Variants in ODAD2 observed in about 807,000 individuals in gnomAD.
ODAD2 encodes outer dynein arm docking complex subunit 2, also known as outer dynein arm-docking complex subunit 2.
A neutral mutation model predicts 106.8 loss-of-function variants in ODAD2; 89 were observed. The ratio of observed to expected loss-of-function variants is 0.83; its 90% CI spans 0.70 to 0.99. The LOEUF is 0.99. ODAD2 is among the 50% of genes least tolerant of loss of function. The pLI, the probability that ODAD2 is intolerant of heterozygous loss-of-function variation, is 0.00. For synonymous variants in ODAD2, 404 were observed against 436.2 expected (o/e 0.93, Z 0.92); for missense variants, 1,168 against 1,238.5 (o/e 0.94, Z 0.85).
chr10:27,941,500 GA>G (rs11371318), intron 12 of ODAD2, among the ~76,000 whole-genome samples: 21 of 132,174 alleles, frequency 1.6e-4, no homozygotes, highest in South Asian at 2.3e-4. Context: ...CCAAAAAAAA[GA>G]AAAAAAAAAA....
intron 17 of ODAD2, among the ~76,000 whole-genome samples, chr10:27,901,000 G>A (rs778786743): frequency 4.6e-5 from 7 of 152,042 alleles, no homozygotes; most frequent in Non-Finnish European, 8.8e-5. Context: ...ACAACCCCAA[G>A]ACACATAATC....
chr10:27,872,429 G>C (rs1161731720), intron 17 of ODAD2, among the ~76,000 whole-genome samples: 1 of 151,764 alleles, frequency 6.6e-6, no homozygotes, highest in African/African-American at 2.4e-5. Flanking sequence ...TCCCTGTCTT[G>C]TGCCAGTTTT....
intron 19 of ODAD2, among the ~76,000 whole-genome samples, chr10:27,822,822 G>A (rs1009896241): frequency 2.0e-5 from 3 of 152,176 alleles, no homozygotes; most frequent in Non-Finnish European, 4.4e-5. Flanking sequence ...GTCCATGTCT[G>A]CAAAACTTGG....
chr10:27,853,873 A>G (rs1401253071), intron 19 of ODAD2, among the ~76,000 whole-genome samples: 1 of 152,224 alleles, frequency 6.6e-6, no homozygotes, highest in Non-Finnish European at 1.5e-5. Flanking sequence ...AACCAAAAAC[A>G]CAATTCATTA....
chr10:27,857,019 G>A (rs1329304321), intron 19 of ODAD2, among the ~76,000 whole-genome samples: 3 of 152,004 alleles, frequency 2.0e-5, no homozygotes, highest in Non-Finnish European at 4.4e-5. Context: ...TTTTTATATT[G>A]ATTATATGTT....
At position 27,944,378 on chromosome 10, in the gene ODAD2, C is replaced by A; in HGVS notation, c.1587G>T (p.Gln529His). ...GTAAGCCCCCAAGGTCAACAATATT[C>A]TGTCTGATTTGAGGATTATGACTGA... ...KEISHNPQIR[Q>H]NIVDLGGLPI... Residue 529 changes from glutamine (Q) to histidine (H), a missense_variant, in exon 12 of 20, where the codon CAG (glutamine) becomes CAT (histidine). Transcript: ENST00000305242. 1 of 1,614,002 alleles carries A rather than the reference C, an allele frequency of 6.2e-7. No homozygotes were observed. The highest frequency in any genetic ancestry group is 1.7e-4 in the Middle Eastern group (1 of 6,060).
At chr10:27,924,955 T>C (rs537907976) in intron 16 of ODAD2, among the ~76,000 whole-genome samples, 19 of 150,500 alleles carry the variant, frequency 1.3e-4, no homozygotes, top group African/African-American at 4.6e-4. Flanking sequence ...GGTAGTCCCA[T>C]TGCTCAATAA....
intron 16 of ODAD2, among the ~76,000 whole-genome samples, chr10:27,934,108 C>CTT (rs1446429379): frequency 2.0e-5 from 3 of 152,190 alleles, no homozygotes; most frequent in Non-Finnish European, 4.4e-5. Context: ...GCTCTCTTCT[C>CTT]TATTCCCTGC....
intron 1 of ODAD2, among the ~76,000 whole-genome samples, chr10:27,996,827 G>A (rs1850582641): frequency 6.6e-6 from 1 of 152,192 alleles, no homozygotes; most frequent in Admixed American, 6.5e-5. Context: ...ATTTGGGGCT[G>A]CTGTGTTCAC....
intron 7 of ODAD2, 105 bp from the exon 8 acceptor site, chr10:27,971,418 T>A (rs1049300171): frequency 1.8e-5 from 18 of 988,832 alleles, no homozygotes; most frequent in Non-Finnish European, 2.6e-5. Context: ...CTCGGATGCA[T>A]TTAACTTGTG....
In ODAD2 at chr10:27,981,522, G is replaced by C; in HGVS notation, c.880C>G (p.Leu294Val). 1.3e-6 allele frequency: 2 copies of C among 1,535,822 alleles called. No homozygotes were observed. The highest frequency in any genetic ancestry group is 1.7e-6 in the Non-Finnish European group (2 of 1,154,028). ...YERKGSIYKN[L>V]VTFLREKSPK... ...GATTTTTCTCTTAAAAATGTGACAA[G>C]GTTTTTATAAATTGAACCTTTTCTC... The change falls in exon 7 of 20, where the codon CTT becomes GTT. Residue 294 changes from leucine (L) to valine (V), a missense_variant. Coordinates refer to ENST00000305242, the MANE Select transcript of ODAD2 (RefSeq NM_018076.5).
chr10:27,901,960 T>TA (rs1843237596), intron 17 of ODAD2, among the ~76,000 whole-genome samples: 1 of 151,668 alleles, frequency 6.6e-6, no homozygotes, highest in Admixed American at 6.6e-5. Flanking sequence ...GCGAACCTAA[T>TA]AGACATCTAC....
At chr10:27,844,825 A>C (rs1838599256) in intron 19 of ODAD2, among the ~76,000 whole-genome samples, 1 of 152,168 alleles carries the variant, frequency 6.6e-6, no homozygotes, top group Admixed American at 6.5e-5. Context: ...TGTAGCTCTA[A>C]GAAGGGGAGG....
At chr10:27,900,578 G>C (rs1396631143) in intron 17 of ODAD2, among the ~76,000 whole-genome samples, 2 of 152,166 alleles carry the variant, frequency 1.3e-5, no homozygotes, top group African/African-American at 4.8e-5. Flanking sequence ...ACAGGTTAGA[G>C]AAATTGCTAA....
At chr10:27,902,992 C>T (rs7083832) in intron 17 of ODAD2, among the ~76,000 whole-genome samples, 6,858 of 151,718 alleles carry the variant, frequency 0.045, 552 homozygotes, top group African/African-American at 0.16. Flanking sequence ...AGAGACACAA[C>T]AAAAAAAAGA....
At chr10:27,845,851 T>A (rs1838702409) in intron 19 of ODAD2, among the ~76,000 whole-genome samples, 1 of 152,142 alleles carries the variant, frequency 6.6e-6, no homozygotes, top group African/African-American at 2.4e-5. Flanking sequence ...GGTAAAGGGA[T>A]CAATTCAACA....
chr10:27,994,779 G>A, intron 2 of ODAD2, 140 bp downstream of exon 2: 1 of 833,626 alleles, frequency 1.2e-6, no homozygotes, highest in Non-Finnish European at 1.9e-6. Context: ...CTTCACCTGT[G>A]TGTCTCTGGT....
intron 6 of ODAD2, among the ~76,000 whole-genome samples, chr10:27,983,473 C>T (rs1048895080): frequency 3.3e-5 from 5 of 152,204 alleles, no homozygotes; most frequent in Non-Finnish European, 7.3e-5. Flanking sequence ...CTTTGTCCCT[C>T]CAACTCTTAG....
In ODAD2 at chr10:27,944,428, C is replaced by G. The variant is rs752762752; in HGVS notation, c.1537G>C (p.Gly513Arg). 6.2e-7 allele frequency: 1 copy of G among 1,611,892 alleles called. No individual in the cohort carries two copies. The highest frequency in any genetic ancestry group is 1.7e-5 in the Admixed American group (1 of 59,978). ...LETDEVKCKI[G>R]SLKILKEISH... ...ATTTCCTTCAGTATTTTTAATGAAC[C>G]AATCTGTGTGAGAAAAAAAAAGATG... The change falls in exon 12 of 20, where the codon GGT becomes CGT. Residue 513 changes from glycine (G) to arginine (R), a missense_variant. This residue lies in a region of ODAD2 where 701 missense variants were observed against 712.3 expected (regional missense o/e 0.98). Coordinates refer to ENST00000305242, the MANE Select transcript of ODAD2 (RefSeq NM_018076.5).
Sources: gnomAD v4.1 joint callset for allele counts (sites outside exome capture counted in the v4.1 genomes callset) on GRCh38, gnomAD v4.1.1 for gene constraint, gnomAD v4.1.1 regional missense constraint, MANE v1.5 for transcripts, NCBI Gene and HGNC (gene_info 2026-07-23, HGNC 2026-07-21) for gene names.